VPS13B: variants seen among roughly 807,000 people sequenced by gnomAD.
VPS13B encodes intermembrane lipid transfer protein VPS13B.
In VPS13B, 285 loss-of-function variants were observed where a neutral mutation model predicts 426.4. The ratio of observed to expected loss-of-function variants is 0.67; its 90% confidence interval spans 0.61 to 0.74. VPS13B has a LOEUF of 0.74. VPS13B is among the 30% of genes least tolerant of loss of function. VPS13B has a pLI of 0.00. For synonymous variants in VPS13B, 1,676 were observed against 1,676.4 expected (o/e 1.00, Z 0.01); for missense variants, 4,537 against 4,782.6 (o/e 0.95, Z 1.51).
rs1369481575 is a variant in VPS13B, at chr8:99,467,431, A to G, written c.3463A>G (p.Thr1155Ala). 3 of 1,613,486 alleles carry G rather than the reference A, an allele frequency of 1.9e-6. No individual in the cohort carries two copies. The highest frequency in any genetic ancestry group is 2.5e-6 in the Non-Finnish European group (3 of 1,179,684). ...ILEEGDAFPWTISLHNFSIYT... is the reference protein window; with the variant it reads ...ILEEGDAFPWAISLHNFSIYT... ...TATATCAGGTGATGCTTTTCCTTGG[A>G]CGATCAGCTTGCATAATTTCAGCAT... The change falls in exon 24 of 62, where the codon ACG becomes GCG. Residue 1155 changes from threonine (T) to alanine (A), a missense_variant. Thr to Ala is a moderately conservative substitution (Grantham distance 58). Around this residue, in one of 2 missense-constraint regions of VPS13B, gnomAD observed 4,311 missense variants for 4,474.3 expected, o/e 0.96. Transcript: ENST00000357162.
At chr8:99,105,627 C>A (rs991082990) in intron 5 of VPS13B, among the ~76,000 whole-genome samples, 1 of 152,166 alleles carries the variant, frequency 6.6e-6, no homozygotes, top group Non-Finnish European at 1.5e-5. Flanking sequence ...GATCTGCCTG[C>A]CTCAGCTTCC....
intron 3 of VPS13B, among the ~76,000 whole-genome samples, chr8:99,055,033 G>GTTTT (rs775826222): frequency 1.7e-4 from 19 of 109,360 alleles, no homozygotes; most frequent in Non-Finnish European, 2.1e-4. Flanking sequence ...TTGTATTTCT[G>GTTTT]TTTTTTTTTT....
At chr8:99,339,517 A>C (rs957998580) in intron 19 of VPS13B, among the ~76,000 whole-genome samples, 2 of 152,072 alleles carry the variant, frequency 1.3e-5, no homozygotes, top group Non-Finnish European at 2.9e-5. Flanking sequence ...CCATCCCATG[A>C]TCCAGTCACC....
At chr8:99,367,570 T>C (rs1286729974) in intron 19 of VPS13B, among the ~76,000 whole-genome samples, 1 of 152,212 alleles carries the variant, frequency 6.6e-6, no homozygotes, top group Non-Finnish European at 1.5e-5. Flanking sequence ...TACTATCCTT[T>C]TGAGTAAACT....
At chr8:99,430,923 AG>A (rs1352282746) in intron 21 of VPS13B, among the ~76,000 whole-genome samples, 1 of 152,032 alleles carries the variant, frequency 6.6e-6, no homozygotes, top group Non-Finnish European at 1.5e-5. Flanking sequence ...TCACCATGTT[AG>A]CCAGGCTTGT....
intron 22 of VPS13B, among the ~76,000 whole-genome samples, chr8:99,438,433 T>A (rs1247330938): frequency 6.6e-6 from 1 of 152,168 alleles, no homozygotes; most frequent in African/African-American, 2.4e-5. Flanking sequence ...AAAAGTAAGA[T>A]TTTATATTTA....
intron 15 of VPS13B, among the ~76,000 whole-genome samples, chr8:99,157,874 G>A (rs1811440940): frequency 1.3e-5 from 2 of 152,208 alleles, no homozygotes; most frequent in African/African-American, 4.8e-5. Context: ...TTGATATAAA[G>A]TTTGAGTGGT....
chr8:99,016,610 G>C (rs1173352834), intron 2 of VPS13B, among the ~76,000 whole-genome samples: 2 of 12,412 alleles, frequency 1.6e-4, no homozygotes, highest in African/African-American at 7.1e-4. Flanking sequence ...TTTTTTTTTT[G>C]AGACGGAGTC....
At chr8:99,020,615 C>A (rs1159116684) in intron 2 of VPS13B, among the ~76,000 whole-genome samples, 1 of 152,086 alleles carries the variant, frequency 6.6e-6, no homozygotes, top group East Asian at 1.9e-4. Context: ...TTTGTTCTTA[C>A]ATAGTATAAG....
At chr8:99,329,727 A>T (rs1009599369) in intron 19 of VPS13B, among the ~76,000 whole-genome samples, 2 of 152,030 alleles carry the variant, frequency 1.3e-5, no homozygotes, top group Admixed American at 6.6e-5. Flanking sequence ...TTCCTCTAGG[A>T]TTTTATTAAA....
chr8:99,698,621 C>T (rs1362755706), intron 35 of VPS13B, among the ~76,000 whole-genome samples: 1 of 152,170 alleles, frequency 6.6e-6, no homozygotes. Context: ...CTGTTACATC[C>T]TCAGGGTGTC....
chr8:99,860,746 A>G (rs935687230), intron 57 of VPS13B, among the ~76,000 whole-genome samples: 1 of 152,254 alleles, frequency 6.6e-6, no homozygotes, highest in Admixed American at 6.5e-5. Flanking sequence ...AAAGTCGCTC[A>G]GTTTCGCTCA....
intron 24 of VPS13B, among the ~76,000 whole-genome samples, chr8:99,477,608 A>C (rs1819767586): frequency 6.6e-6 from 1 of 152,232 alleles, no homozygotes; most frequent in Admixed American, 6.5e-5. Flanking sequence ...CATTAGGATG[A>C]CATCAGAATT....
At chr8:99,582,925 G>C (rs1038420398) in intron 33 of VPS13B, among the ~76,000 whole-genome samples, 1 of 152,150 alleles carries the variant, frequency 6.6e-6, no homozygotes, top group African/African-American at 2.4e-5. Flanking sequence ...AAAGTTCTGG[G>C]ATTACAGGCG....
At position 99,875,484 on chromosome 8, in the gene VPS13B, A is replaced by ACAT. The variant is rs1236948038; in HGVS notation, c.11814_11816dup (p.Ser3939dup). 1.2e-6 allele frequency: 2 copies of ACAT among 1,614,174 alleles called. No individual in the cohort carries two copies. The highest frequency in any genetic ancestry group is 1.3e-5 in the African/African-American group (1 of 75,040). ...CAGACTGGTGGACTACATCACAAAG[A>ACAT]CATCTTGTCACCTGGCCCCCAGCTG... is the stretch of plus-strand genomic sequence containing the variant. On this transcript the variant is annotated inframe_insertion, in exon 62 of 62. Transcript: ENST00000357162.
chr8:99,586,513 C>T (rs926694845), intron 33 of VPS13B, among the ~76,000 whole-genome samples: 4 of 152,152 alleles, frequency 2.6e-5, no homozygotes, highest in Non-Finnish European at 5.9e-5. Flanking sequence ...ATGAGTCTTA[C>T]TGTCTGTCCC....
chr8:99,477,524 G>A (rs1030664385), intron 24 of VPS13B, among the ~76,000 whole-genome samples: 3 of 152,176 alleles, frequency 2.0e-5, no homozygotes, highest in Non-Finnish European at 2.9e-5. Context: ...GCTTTTGACT[G>A]TAGCCAGTGT....
intron 27 of VPS13B, among the ~76,000 whole-genome samples, chr8:99,504,204 C>A (rs953363285): frequency 2.0e-5 from 3 of 152,170 alleles, no homozygotes; most frequent in African/African-American, 7.2e-5. Flanking sequence ...TACTCTCTTA[C>A]CATGTGACAC....
intron 51 of VPS13B, 28 bp from the exon 52 acceptor site, chr8:99,832,341 A>AGTTTTTTTTTTT: frequency 8.4e-7 from 1 of 1,192,552 alleles, no homozygotes; most frequent in Non-Finnish European, 1.1e-6. Context: ...TGCTCTCTGC[A>AGTTTTTTTTTTT]TTTTTTTTTT....
Sources: gnomAD v4.1 joint callset for allele counts (sites outside exome capture counted in the v4.1 genomes callset) on GRCh38, gnomAD v4.1.1 for gene constraint, gnomAD v4.1.1 regional missense constraint, MANE v1.5 for transcripts, NCBI Gene and HGNC (gene_info 2026-07-23, HGNC 2026-07-21) for gene names.